Variants in GNAI1 observed in about 807,000 individuals in gnomAD.
GNAI1 encodes the protein G protein subunit alpha i1.
In GNAI1, 11 loss-of-function variants were observed where a neutral mutation model predicts 38.9. That is an observed-to-expected ratio of 0.28 (90% CI 0.18 to 0.47). GNAI1 has a LOEUF of 0.47. Among genes scored for constraint, GNAI1 ranks in the 20% least tolerant of loss-of-function variants. The pLI, the probability that GNAI1 is intolerant of heterozygous loss-of-function variation, is 0.99. For synonymous variants in GNAI1, 166 were observed against 145.1 expected, an observed-to-expected ratio of 1.14 and a Z score of -1.04; for missense variants, 317 against 436.9, an observed-to-expected ratio of 0.73 and a Z score of 2.45.
At chr7:80,176,710 G>C (rs1405684894) in intron 1 of GNAI1, among the ~76,000 whole-genome samples, 1 of 151,986 alleles carries the variant, frequency 6.6e-6, no homozygotes, top group Admixed American at 6.5e-5. Context: ...GCCAAGGCGG[G>C]CAGATCACCT....
At chr7:80,171,620 G>A (rs952813132) in intron 1 of GNAI1, among the ~76,000 whole-genome samples, 15 of 152,126 alleles carry the variant, frequency 9.9e-5, no homozygotes, top group Admixed American at 7.2e-4. Flanking sequence ...AGGGTGCAGG[G>A]CGAAACAATC....
At chr7:80,142,744 G>A (rs1166505578) in intron 1 of GNAI1, among the ~76,000 whole-genome samples, 1 of 152,090 alleles carries the variant, frequency 6.6e-6, no homozygotes, top group Non-Finnish European at 1.5e-5. Flanking sequence ...TATCTTGCTG[G>A]TTTAGAGTAA....
intron 1 of GNAI1, among the ~76,000 whole-genome samples, chr7:80,181,019 A>G (rs1788283932): frequency 6.6e-6 from 1 of 152,062 alleles, no homozygotes; most frequent in Non-Finnish European, 1.5e-5. Flanking sequence ...GATAGCTTTC[A>G]TATAAAAGGG....
Position 80,219,527 on chromosome 7 carries a change from G to C in GNAI1, c.*2034G>C, listed in dbSNP as rs1053906780. 6 of 152,118 alleles carry C rather than the reference G, an allele frequency of 3.9e-5. No homozygotes were observed. The highest frequency in any genetic ancestry group is 1.4e-4 in the African/African-American group (6 of 41,404). The allele number at this position is 152,118 out of a possible 1,614,324, so 9.4% of individuals were successfully genotyped here. A position where few individuals can be genotyped will look rare whatever the true frequency, so the allele number is the denominator to read the frequency against. ...TACTCCAGAAGCTCAGATTTTCCCT[G>C]TTCCAAGCTATGAGATGTGATGCCA... is the stretch of plus-strand genomic sequence containing the variant. On this transcript the variant is annotated 3_prime_UTR_variant, in exon 8 of 8. Coordinates refer to ENST00000649796, the MANE Select transcript of GNAI1 (RefSeq NM_002069.6).
rs925176924 is a variant in GNAI1, at chr7:80,164,072, GTC to G, written c.119-24871_119-24870del. Among the ~76,000 whole-genome samples, 7 of 129,552 alleles carry G rather than the reference GTC, an allele frequency of 5.4e-5. No individual in the cohort carries two copies. In the East Asian group the frequency reaches 9.5e-4, roughly 18 times the overall value. 85.0% of individuals were successfully genotyped at this position (129,552 alleles called of 152,430 possible). A position where few individuals can be genotyped will look rare whatever the true frequency, so the allele number is the denominator to read the frequency against. The stretch of plus-strand genomic sequence containing the variant: ...TTTTTTTTTTTTTTGTGGGGACTGA[GTC>G]TCTCTCTGTCACCAGGCTGGAGTGC... On this transcript the variant is annotated intron_variant, in intron 1 of 7. Coordinates refer to ENST00000649796, the MANE Select transcript of GNAI1 (RefSeq NM_002069.6).
In GNAI1 at chr7:80,199,294, G is replaced by A; in HGVS notation, c.373G>A (p.Gly125Arg). ...AGGCTTTATGACTGCAGAACTTGCT[G>A]GAGTTATAAAGAGATTGTGGAAAGA... ...EEGFMTAELA[G>R]VIKRLWKDSG... Residue 125 changes from glycine (G) to arginine (R), a missense_variant, in exon 4 of 8, where the codon GGA becomes AGA. By Grantham distance (125) the Gly-to-Arg change is moderately radical. Around this residue, in one of 5 missense-constraint regions of GNAI1, gnomAD observed 67 missense variants for 61.5 expected, o/e 1.09. Coordinates refer to ENST00000649796, the MANE Select transcript of GNAI1 (RefSeq NM_002069.6). The A allele has an allele frequency of 6.2e-7, 1 of 1,613,408 alleles. No individual in the cohort carries two copies. Among genetic ancestry groups the A allele is most frequent in the South Asian group, 1.1e-5 (1 of 91,006 alleles).
intron 1 of GNAI1, among the ~76,000 whole-genome samples, chr7:80,180,322 AGTGTGTGTGTGTGT>A (rs59104301): frequency 1.3e-5 from 2 of 150,082 alleles, no homozygotes; most frequent in Admixed American, 1.3e-4. Context: ...ATTCTTATAA[AGTGTGTGTGTGTGT>A]GTGTGTGTGT....
At chr7:80,200,324 CAAAAAA>C (rs59511755) in intron 4 of GNAI1, among the ~76,000 whole-genome samples, 3 of 40,374 alleles carry the variant, frequency 7.4e-5, no homozygotes, top group African/African-American at 1.7e-4. Context: ...GGCCATGTCT[CAAAAAA>C]AAAAAAAAAA....
At chr7:80,161,112 C>G (rs148883181) in intron 1 of GNAI1, among the ~76,000 whole-genome samples, 1 of 152,238 alleles carries the variant, frequency 6.6e-6, no homozygotes, top group African/African-American at 2.4e-5. Context: ...ACTACCTAGC[C>G]TGGTATTCAA....
intron 1 of GNAI1, among the ~76,000 whole-genome samples, chr7:80,180,690 C>A (rs1053861161): frequency 5.3e-5 from 8 of 152,102 alleles, no homozygotes; most frequent in African/African-American, 1.2e-4. Flanking sequence ...GCTCTCATAG[C>A]TGGGAAATCA....
intron 1 of GNAI1, among the ~76,000 whole-genome samples, chr7:80,146,391 G>GA (rs1405987885): frequency 1.3e-5 from 2 of 151,922 alleles, no homozygotes; most frequent in East Asian, 3.9e-4. Flanking sequence ...ATGCAAAAGA[G>GA]AAAAAAAGCA....
rs1789107230 is a variant in GNAI1, at chr7:80,223,096, G to C, written c.*5603G>C. Among the ~76,000 whole-genome samples the C allele has an allele frequency of 6.6e-6, 1 of 152,168 alleles. No homozygotes were observed. The highest frequency in any genetic ancestry group is 1.5e-5 in the Non-Finnish European group (1 of 68,042). ...CTTGAAATATGGTTTCTAACTGAAT[G>C]CATACCAGTTTCGCACCAATGTAAA... On this transcript the variant is annotated 3_prime_UTR_variant, in exon 8 of 8. Transcript: ENST00000649796.
rs368763013 is a variant in GNAI1, at chr7:80,220,872, C to T, written c.*3379C>T. 6.6e-6 allele frequency among the ~76,000 whole-genome samples: 1 copy of T among 152,104 alleles called. No individual in the cohort carries two copies. The highest frequency in any genetic ancestry group is 2.4e-5 in the African/African-American group (1 of 41,380). ...TGTGTAAGTAGTGTTTCGCCTATCC[C>T]CACTCTGCCCTTGAGTTCCTCTGAG... On this transcript the variant is annotated 3_prime_UTR_variant, in exon 8 of 8. Coordinates refer to ENST00000649796, the MANE Select transcript of GNAI1 (RefSeq NM_002069.6).
intron 1 of GNAI1, among the ~76,000 whole-genome samples, chr7:80,165,818 TA>T (rs1329751349): frequency 6.6e-6 from 1 of 152,088 alleles, no homozygotes; most frequent in Non-Finnish European, 1.5e-5. Flanking sequence ...AAATCATAGA[TA>T]AAAAATCAAG....
intron 1 of GNAI1, among the ~76,000 whole-genome samples, chr7:80,147,187 T>C (rs1319261173): frequency 6.6e-6 from 1 of 152,098 alleles, no homozygotes; most frequent in Non-Finnish European, 1.5e-5. Context: ...ATGTTTGTGA[T>C]AAAATTCCTT....
chr7:80,171,729 AT>A (rs1788101932), intron 1 of GNAI1, among the ~76,000 whole-genome samples: 1 of 152,118 alleles, frequency 6.6e-6, no homozygotes, highest in African/African-American at 2.4e-5. Flanking sequence ...TCTGTTTTTG[AT>A]TTTAAATTTC....
intron 3 of GNAI1, among the ~76,000 whole-genome samples, chr7:80,198,124 G>A (rs1788613183): frequency 6.6e-6 from 1 of 151,606 alleles, no homozygotes; most frequent in Non-Finnish European, 1.5e-5. Flanking sequence ...ACTAGAGTTA[G>A]GTTATCCAGT....
chr7:80,157,912 T>C (rs747240841), intron 1 of GNAI1, among the ~76,000 whole-genome samples: 82 of 152,120 alleles, frequency 5.4e-4, no homozygotes, highest in African/African-American at 1.8e-3. Context: ...TTTAACCATA[T>C]TGGCCAGGCT....
chr7:80,216,405 T>C (rs1788969026), intron 7 of GNAI1, among the ~76,000 whole-genome samples: 1 of 152,092 alleles, frequency 6.6e-6, no homozygotes. Flanking sequence ...AAGACCTTAA[T>C]AAAAGAAAGA....
Sources: allele counts gnomAD v4.1 joint callset (sites outside exome capture counted in the v4.1 genomes callset), GRCh38; gene constraint gnomAD v4.1.1; regional missense constraint gnomAD v4.1.1; transcripts MANE v1.5; gene names NCBI Gene and HGNC (gene_info 2026-07-23, HGNC 2026-07-21).